Variants in DPP6 observed in about 807,000 individuals in gnomAD.
DPP6 encodes the protein dipeptidyl peptidase like 6.
Under a neutral mutation model 122.6 loss-of-function variants are expected in DPP6, and 69 were observed. The ratio of observed to expected loss-of-function variants is 0.56; its 90% CI spans 0.46 to 0.69. DPP6 has a LOEUF of 0.69. DPP6 is among the 30% of genes least tolerant of loss of function. The pLI is 0.00. For synonymous variants in DPP6, 418 were observed against 433.1 expected (o/e 0.97, Z 0.43); for missense variants, 928 against 1,116.9 (o/e 0.83, Z 2.41).
chr7:154,426,103 T>C (rs1174274071), intron 1 of DPP6, among the ~76,000 whole-genome samples: 1 of 152,134 alleles, frequency 6.6e-6, no homozygotes, highest in African/African-American at 2.4e-5. Flanking sequence ...GCTTGATTTA[T>C]GATGCGAGAT....
intron 1 of DPP6, among the ~76,000 whole-genome samples, chr7:154,311,499 CAA>C (rs112674195): frequency 1.0e-4 from 14 of 133,356 alleles, no homozygotes; most frequent in South Asian, 4.8e-4. Flanking sequence ...CCTGTCTCCA[CAA>C]AAAAAAAAAA....
intron 1 of DPP6, among the ~76,000 whole-genome samples, chr7:154,128,761 C>A (rs1164594275): frequency 6.6e-6 from 1 of 150,822 alleles, no homozygotes; most frequent in Admixed American, 6.6e-5. Flanking sequence ...CTGACGGCAG[C>A]CTTGCCTGGG....
At chr7:153,990,551 C>G (rs562691516) in intron 1 of DPP6, among the ~76,000 whole-genome samples, 316 of 152,108 alleles carry the variant, frequency 2.1e-3, no homozygotes, top group African/African-American at 7.4e-3. Flanking sequence ...AGTACCAGTT[C>G]CTATTGTTTG....
intron 8 of DPP6, among the ~76,000 whole-genome samples, chr7:154,733,664 G>T (rs894367588): frequency 3.9e-5 from 6 of 152,286 alleles, no homozygotes; most frequent in Admixed American, 2.6e-4. Context: ...GAGTAGTAGT[G>T]CAGTGTAGTA....
At chr7:154,807,218 A>G in intron 16 of DPP6, 106 bp downstream of exon 16, 1 of 1,464,502 alleles carries the variant, frequency 6.8e-7, no homozygotes, top group Non-Finnish European at 9.1e-7. Flanking sequence ...GTGGGAGCAC[A>G]GCGTATTCCA....
chr7:154,262,444 G>T (rs1803089708), intron 1 of DPP6, among the ~76,000 whole-genome samples: 1 of 152,096 alleles, frequency 6.6e-6, no homozygotes, highest in African/African-American at 2.4e-5. Flanking sequence ...ACAGAGAAAA[G>T]ATCATGTGAG....
intron 1 of DPP6, among the ~76,000 whole-genome samples, chr7:154,136,928 T>C (rs929062601): frequency 1.3e-5 from 2 of 152,210 alleles, no homozygotes; most frequent in Non-Finnish European, 2.9e-5. Context: ...TATAGTCTAA[T>C]TGTAGGACTG....
chr7:153,923,340 G>A (rs371942431), intron 1 of DPP6, among the ~76,000 whole-genome samples: 1 of 152,180 alleles, frequency 6.6e-6, no homozygotes, highest in Non-Finnish European at 1.5e-5. Context: ...GTATGTGCAC[G>A]TATTTTCTAT....
intron 21 of DPP6, chr7:154,885,426 G>A (rs1806066127): frequency 1.6e-6 from 1 of 621,728 alleles, no homozygotes; most frequent in African/African-American, 1.8e-5. Context: ...AGCGGAGAAG[G>A]CGCACGTCGC....
In DPP6 at chr7:154,319,122, G is replaced by A. The variant is rs577950242; in HGVS notation, c.244-127092G>A. 9.1e-4 allele frequency among the ~76,000 whole-genome samples: 138 copies of A among 152,288 alleles called. 1 individual carries two copies. The highest frequency in any genetic ancestry group is 3.1e-3 in the African/African-American group (130 of 41,558). On this transcript the variant is annotated intron_variant, in intron 1 of 25. Transcript: ENST00000377770. ...GAATGCCTGTGTGCAGCCTCTCTGC[G>A]CTTGTCCTCATGAACTTCTCCAACA...
intron 1 of DPP6, among the ~76,000 whole-genome samples, chr7:154,275,214 C>G (rs1053453682): frequency 2.3e-4 from 35 of 152,336 alleles, no homozygotes; most frequent in African/African-American, 8.4e-4. Context: ...GCCTCCTTTC[C>G]CCAGCAGCAG....
intron 1 of DPP6, among the ~76,000 whole-genome samples, chr7:153,925,539 G>A (rs893222572): frequency 6.6e-6 from 1 of 151,722 alleles, no homozygotes; most frequent in East Asian, 2.0e-4. Context: ...GAGGGTCCCC[G>A]AGGTTCTGAT....
the DPP6 span, among the ~76,000 whole-genome samples, chr7:153,839,141 G>A: frequency 6.6e-6 from 1 of 152,184 alleles, no homozygotes; most frequent in African/African-American, 2.4e-5. Flanking sequence ...GTGAACCGTG[G>A]CATGTGTCTC....
chr7:154,667,744 C>A (rs959186513), intron 6 of DPP6, among the ~76,000 whole-genome samples: 1 of 152,016 alleles, frequency 6.6e-6, no homozygotes, highest in African/African-American at 2.4e-5. Context: ...AACAAAACCA[C>A]GCAATGTTAA....
intron 1 of DPP6, among the ~76,000 whole-genome samples, chr7:154,020,495 C>CA (rs1488420138): frequency 4.6e-5 from 7 of 152,020 alleles, no homozygotes; most frequent in Admixed American, 3.9e-4. Context: ...GTTCAAGAGT[C>CA]AGAGTTGGGA....
chr7:154,241,230 T>TAGAG lies in DPP6; in HGVS notation c.243+188179_243+188182dup, dbSNP rs796744725. On this transcript the variant is annotated intron_variant, in intron 1 of 25. Transcript: ENST00000377770. The surrounding 1 kb of genome is among the most constrained non-coding windows in gnomAD (Gnocchi z 9.0). ...GTGTGTGTGTGTGTGTATATATATA[T>TAGAG]AGAGAGAGAGAGAGACACTTTTATC... 7.2e-4 allele frequency among the ~76,000 whole-genome samples: 107 copies of TAGAG among 149,266 alleles called. 1 individual carries two copies. The highest frequency in any genetic ancestry group is 2.4e-3 in the African/African-American group (98 of 40,374).
intron 7 of DPP6, among the ~76,000 whole-genome samples, chr7:154,671,866 A>ACACACACACACGTG (rs1554431522): frequency 0.26 from 30,244 of 117,978 alleles, 3,385 homozygotes; most frequent in South Asian, 0.39. Flanking sequence ...ACACACATGC[A>ACACACACACACGTG]CACACACACA....
At chr7:153,910,034 G>A (rs1264859387) in intron 1 of DPP6, among the ~76,000 whole-genome samples, 2 of 151,972 alleles carry the variant, frequency 1.3e-5, no homozygotes, top group African/African-American at 4.8e-5. Flanking sequence ...ATAAGCTTTC[G>A]GATGTCTCTG....
the DPP6 span, among the ~76,000 whole-genome samples, chr7:153,798,065 A>G: frequency 2.0e-5 from 3 of 151,896 alleles, no homozygotes; most frequent in African/African-American, 7.2e-5. Context: ...GATGGTCTTG[A>G]TCTCCTGACC....
Sources: allele counts gnomAD v4.1 joint callset (sites outside exome capture counted in the v4.1 genomes callset), GRCh38; gene constraint gnomAD v4.1.1; non-coding constraint Gnocchi (gnomAD v3.1); transcripts MANE v1.5; gene names NCBI Gene and HGNC (gene_info 2026-07-23, HGNC 2026-07-21).